FSCN2: variants seen among roughly 807,000 people sequenced by gnomAD.
FSCN2 encodes fascin-2.
Under a neutral mutation model 37.8 loss-of-function variants are expected in FSCN2, and 46 were observed. The ratio of observed to expected loss-of-function variants is 1.22; its 90% CI spans 0.96 to 1.56. The LOEUF is 1.56. Among genes scored for constraint, FSCN2 ranks in the 40% most tolerant of loss-of-function variants. The pLI is 0.00. For synonymous variants in FSCN2, 351 were observed against 309.4 expected (o/e 1.13, Z -1.41); for missense variants, 844 against 730.4 (o/e 1.16, Z -1.79).
At position 81,534,999 on chromosome 17, in the gene FSCN2, C is replaced by G. The variant is rs1483624963; in HGVS notation, c.827-53C>G. 3.5e-6 allele frequency: 5 copies of G among 1,424,036 alleles called. No homozygotes were observed. In the East Asian group the frequency reaches 1.3e-4, roughly 37 times the overall value. 88.2% of individuals were successfully genotyped at this position (1,424,036 alleles called of 1,614,324 possible). ...GTGCCCCCCAAAATATGCCCCCTCC[C>G]CTGCTCCCTACCCAGGAGAGGCGTG... is the stretch of plus-strand genomic sequence containing the variant. On this transcript the variant is annotated intron_variant, in intron 1 of 4. Transcript: ENST00000417245.
chr17:81,531,203 G>GAT, intron 1 of FSCN2, among the ~76,000 whole-genome samples: 1 of 110,010 alleles, frequency 9.1e-6, no homozygotes, highest in African/African-American at 4.2e-5. Flanking sequence ...TGGTGGTGAT[G>GAT]GTGGTGATGG....
the FSCN2 span, among the ~76,000 whole-genome samples, chr17:81,518,061 C>T: frequency 6.6e-6 from 1 of 152,258 alleles, no homozygotes; most frequent in African/African-American, 2.4e-5. Flanking sequence ...CCGCTGCTCC[C>T]AAGGCTACCT....
chr17:81,531,165 ATGG>A (rs140091666), intron 1 of FSCN2, among the ~76,000 whole-genome samples: 5,829 of 126,150 alleles, frequency 0.046, 154 homozygotes, highest in East Asian at 0.14. Context: ...GATGGTGATG[ATGG>A]TGGTGATGGT....
At chr17:81,532,052 G>T (rs1167335398) in intron 1 of FSCN2, among the ~76,000 whole-genome samples, 1 of 124,286 alleles carries the variant, frequency 8.0e-6, no homozygotes, top group African/African-American at 3.1e-5. Context: ...TGGTGATGAT[G>T]GTGATGGTGA....
At chr17:81,522,767 TA>T in the FSCN2 span, among the ~76,000 whole-genome samples, 1 of 152,218 alleles carries the variant, frequency 6.6e-6, no homozygotes, top group African/African-American at 2.4e-5. Context: ...CCCCTGTGTG[TA>T]AGTCCAGCTG....
chr17:81,515,504 T>G, the FSCN2 span, among the ~76,000 whole-genome samples: 4 of 152,260 alleles, frequency 2.6e-5, no homozygotes, highest in Non-Finnish European at 5.9e-5. Flanking sequence ...GATGGCTTTT[T>G]ATCATGACCT....
upstream of FSCN2, among the ~76,000 whole-genome samples, chr17:81,523,424 T>C (rs1372298812): frequency 6.6e-6 from 1 of 152,200 alleles, no homozygotes; most frequent in African/African-American, 2.4e-5. Context: ...GCGGAGCCGA[T>C]AGCTCAGCCA....
chr17:81,536,682 T>C lies in FSCN2; in HGVS notation c.1166T>C (p.Leu389Pro), dbSNP rs201628937. The change falls in exon 4 of 5, where the codon CTG (leucine) becomes CCG (proline). Residue 389 changes from leucine (L) to proline (P), a missense_variant. By Grantham distance (98) the Leu-to-Pro change is moderately conservative. Transcript: ENST00000417245. ...INRPILVLRGLDGFVCHHRGS... is the reference protein window; with the variant it reads ...INRPILVLRGPDGFVCHHRGS... ...CGGCCCATCCTGGTGCTGCGCGGCC[T>C]GGACGGCTTCGTCTGCCACCACCGC... The C allele has an allele frequency of 2.2e-4, 362 of 1,611,228 alleles. No individual in the cohort carries two copies. The highest frequency in any genetic ancestry group is 2.9e-4 in the Non-Finnish European group (337 of 1,179,554).
In FSCN2 at chr17:81,536,262, T is replaced by C. The variant is rs370080793; in HGVS notation, c.1100T>C (p.Phe367Ser). 2.9e-5 allele frequency: 47 copies of C among 1,598,206 alleles called. No individual in the cohort carries two copies. Among genetic ancestry groups the C allele is most frequent in the Non-Finnish European group, 3.8e-5 (45 of 1,173,498 alleles). ...GGGCAGCTGGCGGCTATCAGCGATT[T>C]TGTCGGTGAGCACTCTGCCTGCCAG... ...KNGQLAAISD[F>S]VGKDEEFTLK... The change falls in exon 3 of 5, where the codon TTT (phenylalanine) becomes TCT (serine). Residue 367 changes from phenylalanine (F) to serine (S), a missense_variant. Physicochemically the swap from Phe to Ser is radical, Grantham distance 155. Coordinates refer to ENST00000417245, the MANE Select transcript of FSCN2 (RefSeq NM_012418.4).
At chr17:81,533,354 C>A (rs1677322076) in intron 1 of FSCN2, among the ~76,000 whole-genome samples, 1 of 152,216 alleles carries the variant, frequency 6.6e-6, no homozygotes, top group South Asian at 2.1e-4. Context: ...CTGATCATCT[C>A]CTGAAACGGG....
chr17:81,532,470 G>GTGATGATAGTGATGGTGATGA (rs1403301753), intron 1 of FSCN2, among the ~76,000 whole-genome samples: 2 of 141,622 alleles, frequency 1.4e-5, no homozygotes, highest in African/African-American at 2.7e-5. Context: ...GGTGATGGTG[G>GTGATGATAGTGATGGTGATGA]TGGTGGTGAT....
chr17:81,529,585 G>A (rs1555670911), intron 1 of FSCN2: 1 of 751,300 alleles, frequency 1.3e-6, no homozygotes. Flanking sequence ...CAGGGTCAGA[G>A]GCAAGGGTTC....
chr17:81,526,256 G>T (rs1015945662), upstream of FSCN2, among the ~76,000 whole-genome samples: 1 of 152,234 alleles, frequency 6.6e-6, no homozygotes, highest in Non-Finnish European at 1.5e-5. Context: ...CAGTGTCTGT[G>T]CCTGGGGTGG....
rs2032440895 is a variant in FSCN2, at chr17:81,528,828, C to T, written c.297C>T (p.Arg99=). The change falls in exon 1 of 5, where the codon CGC becomes CGT. Residue 99 remains arginine, a synonymous_variant. Coordinates refer to ENST00000417245, the MANE Select transcript of FSCN2 (RefSeq NM_012418.4). ...RFLVLPQPDG[R]WVLRSEPHGR... ...TGGTCCTGCCGCAGCCAGATGGGCG[C>T]TGGGTGCTGCGGTCCGAGCCGCACG... The T allele has an allele frequency of 6.4e-7, 1 of 1,557,516 alleles. No individual in the cohort carries two copies. The highest frequency in any genetic ancestry group is 8.7e-7 in the Non-Finnish European group (1 of 1,153,174).
chr17:81,534,518 G>A (rs1397625481), intron 1 of FSCN2, among the ~76,000 whole-genome samples: 1 of 151,964 alleles, frequency 6.6e-6, no homozygotes, highest in East Asian at 2.0e-4. Flanking sequence ...AACCCCAGAT[G>A]GAGCCCGGGG....
the FSCN2 span, among the ~76,000 whole-genome samples, chr17:81,516,716 C>T: frequency 1.3e-5 from 2 of 152,218 alleles, no homozygotes; most frequent in African/African-American, 4.8e-5. Context: ...GGTTCTCCTG[C>T]CCCACTGCGC....
rs1228330383 is a variant in FSCN2, at chr17:81,536,725, C to T, written c.1209C>T (p.Asp403=). 4.3e-6 allele frequency: 7 copies of T among 1,611,328 alleles called. No individual in the cohort carries two copies. The South Asian group carries it at 4.4e-5, about 10-fold the overall frequency. ...VCHHRGSNQL[D]TNRSVYDVFH... ...ACCACCGCGGCTCCAACCAGCTGGA[C>T]ACCAACCGCTCCGTCTACGACGTCT... Residue 403 remains aspartate, a synonymous_variant, in exon 4 of 5, where the codon GAC becomes GAT. Transcript: ENST00000417245.
chr17:81,530,010 C>T, intron 1 of FSCN2: 1 of 291,040 alleles, frequency 3.4e-6, no homozygotes, highest in South Asian at 3.0e-5. Context: ...CGGGGTTTCA[C>T]TGTGTTAGCC....
At chr17:81,527,322 T>C (rs1266437875), upstream of FSCN2, 1 of 150,918 alleles carries the variant, frequency 6.6e-6, no homozygotes, top group African/African-American at 2.4e-5. Flanking sequence ...GACGGGAGGG[T>C]CACACGCTGT....
Sources: gnomAD v4.1 joint callset for allele counts (sites outside exome capture counted in the v4.1 genomes callset) on GRCh38, gnomAD v4.1.1 for gene constraint, MANE v1.5 for transcripts, NCBI Gene and HGNC (gene_info 2026-07-23, HGNC 2026-07-21) for gene names.